BOK: variants seen among roughly 807,000 people sequenced by gnomAD.
The protein encoded by BOK is bcl-2-related ovarian killer protein.
In BOK, 20 loss-of-function variants were observed where a neutral mutation model predicts 18.3. The observed-to-expected ratio is 1.09, with a 90% CI of 0.77 to 1.59. The LOEUF (loss-of-function observed/expected upper bound fraction) is 1.59, where lower values mean the gene tolerates loss of function less well. Among genes scored for constraint, BOK ranks in the 40% most tolerant of loss-of-function variants. The probability of loss-of-function intolerance (pLI) is 0.00; values close to 1 mark genes in which losing one functional copy is unlikely to be tolerated. For missense variants in BOK, 348 were observed against 307.9 expected (o/e 1.13, Z -0.97); for synonymous variants, 173 against 142.4 (o/e 1.21, Z -1.53).
chr2:241,553,340 CG>C (rs2066427666), intron 1 of BOK, among the ~76,000 whole-genome samples: 2 of 152,072 alleles, frequency 1.3e-5, no homozygotes, highest in Admixed American at 6.6e-5. Flanking sequence ...TTAGTAGAGA[CG>C]GGGTTTCACC....
At chr2:241,557,765 G>A (rs899309290), upstream of BOK, among the ~76,000 whole-genome samples, 1 of 152,134 alleles carries the variant, frequency 6.6e-6, no homozygotes, top group Non-Finnish European at 1.5e-5. Flanking sequence ...ATTTAGAAGT[G>A]TGACATGTAA....
At chr2:241,560,032 T>G in intron 2 of BOK, 1 of 974,522 alleles carries the variant, frequency 1.0e-6, no homozygotes, top group Non-Finnish European at 1.2e-6. Context: ...AGAAACCCTT[T>G]GTAGGAGCAC....
rs2066696698 is a variant in BOK, at chr2:241,570,353, G to C, written c.513+65G>C. On this transcript the variant is annotated intron_variant, in intron 4 of 4. Coordinates refer to ENST00000318407, the MANE Select transcript of BOK (RefSeq NM_032515.5). ...TGCGAGGGTGCAGAGGTACAGGAGG[G>C]AGTGGTGGATGGGTGAGCCTCTGAG... The C allele has an allele frequency of 2.7e-6, 4 of 1,493,688 alleles. No individual in the cohort carries two copies. In the East Asian group the frequency reaches 7.7e-5, roughly 29 times the overall value. The allele number at this position is 1,493,688 out of a possible 1,614,324, so 92.5% of individuals were successfully genotyped here.
chr2:241,573,210 GC>G lies in BOK; in HGVS notation c.*793del, dbSNP rs1301494008. 1 of 126,688 alleles carries G rather than the reference GC, an allele frequency of 7.9e-6. No homozygotes were observed. The highest frequency in any genetic ancestry group is 1.7e-5 in the Non-Finnish European group (1 of 59,084). 7.8% of individuals were successfully genotyped at this position (126,688 alleles called of 1,614,324 possible). ...GCCCGGAACACCTGCTCTCACCTGAGCCCCCGGTGAAGGGGCCCGGAACACT... is the reference window on the plus strand; with the variant it reads ...GCCCGGAACACCTGCTCTCACCTGAGCCCCGGTGAAGGGGCCCGGAACACT... On this transcript the variant is annotated 3_prime_UTR_variant, in exon 5 of 5. Coordinates refer to ENST00000318407, the MANE Select transcript of BOK (RefSeq NM_032515.5).
rs1170382489 is a variant in BOK, at chr2:241,572,685, C to G, written c.*263C>G. On this transcript the variant is annotated 3_prime_UTR_variant, in exon 5 of 5. Transcript: ENST00000318407. ...TTCTCCTGTGATCTCTGTGTTTTCC[C>G]TTTTCTTTCTGGGGCCAGGAAGTCA... is the stretch of plus-strand genomic sequence containing the variant. 3.8e-6 allele frequency: 2 copies of G among 529,974 alleles called. No individual in the cohort carries two copies. The highest frequency in any genetic ancestry group is 6.7e-6 in the Non-Finnish European group (2 of 297,546). 32.8% of individuals were successfully genotyped at this position (529,974 alleles called of 1,614,324 possible).
At chr2:241,566,355 A>G (rs1182062850) in intron 3 of BOK, among the ~76,000 whole-genome samples, 4 of 148,052 alleles carry the variant, frequency 2.7e-5, no homozygotes, top group African/African-American at 5.0e-5. Flanking sequence ...TGGAGGTGCA[A>G]TGGTGCGATC....
At chr2:241,553,615 A>C (rs370347338) in intron 1 of BOK, among the ~76,000 whole-genome samples, 26 of 152,322 alleles carry the variant, frequency 1.7e-4, no homozygotes, top group African/African-American at 3.1e-4. Flanking sequence ...AGTGAAGCGG[A>C]AGGTGCCACA....
intron 3 of BOK, among the ~76,000 whole-genome samples, chr2:241,569,020 G>A (rs570111863): frequency 6.6e-6 from 1 of 152,282 alleles, no homozygotes; most frequent in South Asian, 2.1e-4. Context: ...CTGCTGGGCT[G>A]CATGTTTTGT....
At chr2:241,560,768 A>T (rs1423022546) in intron 2 of BOK, among the ~76,000 whole-genome samples, 1 of 152,100 alleles carries the variant, frequency 6.6e-6, no homozygotes, top group Non-Finnish European at 1.5e-5. Flanking sequence ...TCGGGCTCTG[A>T]GAATGACCCT....
chr2:241,551,637 T>C (rs926035466), intron 1 of BOK, among the ~76,000 whole-genome samples: 33 of 151,168 alleles, frequency 2.2e-4, no homozygotes, highest in African/African-American at 7.0e-4. Flanking sequence ...CAGCAGCCCC[T>C]GCTGTTGGCT....
At position 241,573,072 on chromosome 2, in the gene BOK, C is replaced by T. The variant is rs2066749960; in HGVS notation, c.*650C>T. 1 of 89,668 alleles carries T rather than the reference C, an allele frequency of 1.1e-5. No individual in the cohort carries two copies. The highest frequency in any genetic ancestry group is 2.1e-5 in the Non-Finnish European group (1 of 47,008). The allele number at this position is 89,668 out of a possible 1,614,324, so 5.6% of individuals were successfully genotyped here. On this transcript the variant is annotated 3_prime_UTR_variant, in exon 5 of 5. Coordinates refer to ENST00000318407, the MANE Select transcript of BOK (RefSeq NM_032515.5). ...GAGCCCCAGGTGAAGGGGCCCGGAA[C>T]ACCTGCTCTCACCTGAGCCCCAGGT... is the stretch of plus-strand genomic sequence containing the variant.
chr2:241,569,989 G>T, intron 3 of BOK, 136 bp from the exon 4 acceptor site: 1 of 1,113,640 alleles, frequency 9.0e-7, no homozygotes, highest in South Asian at 1.7e-5. Flanking sequence ...GTCAGGGAGC[G>T]GTCCCCCCTT....
At chr2:241,565,168 C>T (rs1043134639) in intron 3 of BOK, among the ~76,000 whole-genome samples, 3 of 152,140 alleles carry the variant, frequency 2.0e-5, no homozygotes, top group Non-Finnish European at 2.9e-5. Flanking sequence ...GAGCCCACTC[C>T]CCTGTGGTCA....
intron 3 of BOK, among the ~76,000 whole-genome samples, chr2:241,564,770 G>A (rs1429322519): frequency 6.6e-6 from 1 of 152,206 alleles, no homozygotes. Flanking sequence ...CTTGGCCGAC[G>A]CCGGCGCGTG....
chr2:241,551,757 C>T (rs994582798), intron 1 of BOK, among the ~76,000 whole-genome samples: 10 of 152,186 alleles, frequency 6.6e-5, no homozygotes, highest in Non-Finnish European at 7.3e-5. Flanking sequence ...GGAAGGCTTG[C>T]GCTGGCCAAG....
In BOK at chr2:241,572,593, G is replaced by A. The variant is rs2066742014; in HGVS notation, c.*171G>A. On this transcript the variant is annotated 3_prime_UTR_variant, in exon 5 of 5. Coordinates refer to ENST00000318407, the MANE Select transcript of BOK (RefSeq NM_032515.5). ...CCAGGCCCTCCGGAAGGGGTGAGTG[G>A]GGAGGGGCTTTCCTGAGCCTGGAGC... is the stretch of plus-strand genomic sequence containing the variant. 1 of 1,031,752 alleles carries A rather than the reference G, an allele frequency of 9.7e-7. No homozygotes were observed. Among genetic ancestry groups the A allele is most frequent in the African/African-American group, 1.6e-5 (1 of 61,868 alleles). 63.9% of individuals were successfully genotyped at this position (1,031,752 alleles called of 1,614,324 possible). A position where few individuals can be genotyped will look rare whatever the true frequency, so the allele number is the denominator to read the frequency against.
chr2:241,564,037 G>A (rs894623054), intron 3 of BOK, among the ~76,000 whole-genome samples: 6 of 152,204 alleles, frequency 3.9e-5, no homozygotes, highest in African/African-American at 1.4e-4. Context: ...AGGCGGCGGG[G>A]GCTGCGAGCA....
chr2:241,552,460 C>A lies in BOK; in HGVS notation n.54+983C>A, dbSNP rs569292394. On this transcript the variant is annotated intron_variant and non_coding_transcript_variant, in intron 1 of 1. Coordinates refer to the BOK transcript ENST00000641230. ...CCGGCCCACTCATACCATCCACGCC[C>A]CTGCACATACTGACAGCTCAGTACC... 1.6e-3 allele frequency among the ~76,000 whole-genome samples: 249 copies of A among 152,284 alleles called. 1 individual carries two copies. The highest frequency in any genetic ancestry group is 5.8e-3 in the African/African-American group (243 of 41,556).
At chr2:241,572,185 C>A in intron 4 of BOK, 112 bp from the exon 5 acceptor site, 1 of 1,477,282 alleles carries the variant, frequency 6.8e-7, no homozygotes, top group Non-Finnish European at 9.1e-7. Context: ...CTCCTGCATT[C>A]CCTTCATGCA....
Sources: gnomAD v4.1 joint callset for allele counts (sites outside exome capture counted in the v4.1 genomes callset) on GRCh38, gnomAD v4.1.1 for gene constraint, MANE v1.5 for transcripts, NCBI Gene and HGNC (gene_info 2026-07-23, HGNC 2026-07-21) for gene names.